DGKB: variants seen among roughly 807,000 people sequenced by gnomAD.
The protein encoded by DGKB is 90 kDa diacylglycerol kinase.
DGKB carries 67 observed loss-of-function variants against 114.3 expected under a neutral mutation model. The ratio of observed to expected loss-of-function variants is 0.59; its 90% CI spans 0.48 to 0.72. The LOEUF (loss-of-function observed/expected upper bound fraction) is 0.72, where lower values mean the gene tolerates loss of function less well. Ranked by LOEUF, DGKB falls within the 30% of genes least tolerant of loss-of-function variation. The pLI is 0.00. For synonymous variants in DGKB, 398 were observed against 323.1 expected, an observed-to-expected ratio of 1.23 and a Z score of -2.49; for missense variants, 907 against 975.2, an observed-to-expected ratio of 0.93 and a Z score of 0.93.
At chr7:14,303,862 G>A (rs111666950) in intron 23 of DGKB, among the ~76,000 whole-genome samples, 10 of 152,028 alleles carry the variant, frequency 6.6e-5, no homozygotes, top group African/African-American at 2.4e-4. Flanking sequence ...TGCATTTATC[G>A]CCACCATGAA....
chr7:14,196,614 T>G (rs112580611), intron 23 of DGKB, among the ~76,000 whole-genome samples: 3 of 152,206 alleles, frequency 2.0e-5, no homozygotes, highest in African/African-American at 7.2e-5. Flanking sequence ...CATTTGTAAA[T>G]AACCATAAGA....
chr7:14,314,689 C>A (rs1356555945), intron 23 of DGKB, among the ~76,000 whole-genome samples: 1 of 151,968 alleles, frequency 6.6e-6, no homozygotes, highest in African/African-American at 2.4e-5. Flanking sequence ...GAGAATGGAA[C>A]CAAGTTGGAA....
chr7:14,953,169 T>C (rs1382894055), intron 1 of DGKB, among the ~76,000 whole-genome samples: 2 of 152,170 alleles, frequency 1.3e-5, no homozygotes, highest in East Asian at 3.9e-4. Context: ...TTAGATACTT[T>C]ACTAAAACAT....
chr7:14,359,844 G>T (rs922467055), intron 21 of DGKB, among the ~76,000 whole-genome samples: 4 of 152,130 alleles, frequency 2.6e-5, no homozygotes, highest in Non-Finnish European at 5.9e-5. Flanking sequence ...GGAGAAACAG[G>T]AATGCTTTTA....
At chr7:14,458,412 T>C (rs1180484851) in intron 21 of DGKB, among the ~76,000 whole-genome samples, 1 of 152,206 alleles carries the variant, frequency 6.6e-6, no homozygotes. Context: ...GCTGGCAAGA[T>C]GGCTGAGTAG....
At chr7:14,153,635 G>A (rs1440896664) in intron 25 of DGKB, among the ~76,000 whole-genome samples, 1 of 151,980 alleles carries the variant, frequency 6.6e-6, no homozygotes, top group Non-Finnish European at 1.5e-5. Context: ...GCCCTAGAGA[G>A]CATTCCCTCT....
chr7:14,640,331 C>T (rs1047174299), intron 13 of DGKB, among the ~76,000 whole-genome samples: 11 of 152,070 alleles, frequency 7.2e-5, no homozygotes, highest in South Asian at 2.1e-4. Flanking sequence ...AAAGAATATA[C>T]GCATTGGGTG....
At chr7:14,170,221 A>G (rs999685641) in intron 25 of DGKB, among the ~76,000 whole-genome samples, 1 of 151,118 alleles carries the variant, frequency 6.6e-6, no homozygotes, top group Admixed American at 6.6e-5. Context: ...AAGCCTCTGA[A>G]GAGTGACTGA....
chr7:14,925,980 T>C (rs1354809530), intron 1 of DGKB, among the ~76,000 whole-genome samples: 1 of 152,136 alleles, frequency 6.6e-6, no homozygotes, highest in Non-Finnish European at 1.5e-5. Context: ...AATCCTTGCC[T>C]GATCTTGAAC....
chr7:14,481,952 C>T (rs1783052014), intron 20 of DGKB, among the ~76,000 whole-genome samples: 1 of 151,902 alleles, frequency 6.6e-6, no homozygotes, highest in Admixed American at 6.6e-5. Context: ...ACAATAACAA[C>T]AATCTTTTCC....
At chr7:14,267,470 T>TA (rs1797678258) in intron 23 of DGKB, among the ~76,000 whole-genome samples, 1 of 141,878 alleles carries the variant, frequency 7.0e-6, no homozygotes, top group African/African-American at 2.7e-5. Context: ...AAGTGCTTAT[T>TA]TTTTTTTTCT....
intron 20 of DGKB, among the ~76,000 whole-genome samples, chr7:14,521,416 A>G (rs576907854): frequency 6.6e-6 from 1 of 151,994 alleles, no homozygotes; most frequent in Admixed American, 6.6e-5. Context: ...AGATCACTTG[A>G]TATTTATCTT....
intron 23 of DGKB, among the ~76,000 whole-genome samples, chr7:14,195,179 G>T (rs772021824): frequency 2.6e-5 from 4 of 152,110 alleles, no homozygotes; most frequent in Non-Finnish European, 5.9e-5. Flanking sequence ...GGGACTGAAG[G>T]CTTTCACTTG....
At chr7:14,599,529 T>C (rs549425355) in intron 17 of DGKB, among the ~76,000 whole-genome samples, 1 of 152,316 alleles carries the variant, frequency 6.6e-6, no homozygotes, top group South Asian at 2.1e-4. Context: ...ACATCTATAC[T>C]CAGCCAGTTC....
intron 21 of DGKB, among the ~76,000 whole-genome samples, chr7:14,413,525 G>C (rs78383282): frequency 0.028 from 4,277 of 152,182 alleles, 217 homozygotes; most frequent in African/African-American, 0.098. Context: ...TTACATATGT[G>C]GTCAATAAAG....
chr7:14,773,587 G>A lies in DGKB; in HGVS notation c.71-15856C>T, dbSNP rs1017560902. Among the ~76,000 whole-genome samples the A allele has an allele frequency of 4.6e-5, 7 of 152,162 alleles. No individual in the cohort carries two copies. In the East Asian group the frequency reaches 1.4e-3, roughly 29 times the overall value. On this transcript the variant is annotated intron_variant, in intron 2 of 25. Transcript: ENST00000402815. Reference sequence around the variant, plus strand: ...CAGATGGGACAGTCCAACTAAACTGGAACAGTGTAGTCCCCTTTGTTAGCT... The same window carrying A: ...CAGATGGGACAGTCCAACTAAACTGAAACAGTGTAGTCCCCTTTGTTAGCT...
At chr7:14,776,729 T>A (rs534837900) in intron 2 of DGKB, among the ~76,000 whole-genome samples, 2 of 152,212 alleles carry the variant, frequency 1.3e-5, no homozygotes, top group African/African-American at 2.4e-5. Context: ...AGAGCCCTCA[T>A]GGAGAACCTC....
rs535237233 is a variant in DGKB, at chr7:14,397,630, C to T, written c.1836-52239G>A. Among the ~76,000 whole-genome samples the T allele has an allele frequency of 2.6e-5, 4 of 152,206 alleles. No homozygotes were observed. In the East Asian group the frequency reaches 7.7e-4, roughly 29 times the overall value. ...CACTTCTATCACTATGTGTGACCTG[C>T]ATGTTCACCACCAGGGTCCAGTGGA... On this transcript the variant is annotated intron_variant, in intron 21 of 25. Transcript: ENST00000402815.
intron 12 of DGKB, among the ~76,000 whole-genome samples, chr7:14,674,813 A>C (rs1196413799): frequency 4.6e-5 from 7 of 152,148 alleles, no homozygotes; most frequent in Non-Finnish European, 1.0e-4. Flanking sequence ...AGCTAGGAAG[A>C]AGCAGAAAAG....
Sources: allele counts gnomAD v4.1 joint callset (sites outside exome capture counted in the v4.1 genomes callset), GRCh38; gene constraint gnomAD v4.1.1; transcripts MANE v1.5; gene names NCBI Gene and HGNC (gene_info 2026-07-23, HGNC 2026-07-21).